The following CDH18 variants were observed in gnomAD, a reference collection of about 807,000 sequenced individuals.
CDH18 encodes cadherin 18.
CDH18 carries 31 observed loss-of-function variants against 67.9 expected under a neutral mutation model. That is an observed-to-expected ratio of 0.46 (90% confidence interval 0.34 to 0.62). CDH18 has a LOEUF of 0.62. Among genes scored for constraint, CDH18 ranks in the 20% least tolerant of loss-of-function variants. CDH18 has a pLI of 0.01. For missense variants in CDH18, 890 were observed against 975.5 expected (o/e 0.91, Z 1.17); for synonymous variants, 362 against 347.2 (o/e 1.04, Z -0.48).
intron 5 of CDH18, among the ~76,000 whole-genome samples, chr5:19,640,338 G>T (rs1358930888): frequency 6.6e-6 from 1 of 152,094 alleles, no homozygotes; most frequent in Non-Finnish European, 1.5e-5. Flanking sequence ...TTATATGTGG[G>T]TGAGGAGTAA....
At chr5:20,128,836 C>A (rs1749035881) in intron 2 of CDH18, among the ~76,000 whole-genome samples, 1 of 150,744 alleles carries the variant, frequency 6.6e-6, no homozygotes, top group African/African-American at 2.5e-5. Flanking sequence ...TAGGACACAG[C>A]AGTTTTTTTC....
chr5:20,201,246 G>A (rs1427697281), intron 2 of CDH18, among the ~76,000 whole-genome samples: 3 of 151,824 alleles, frequency 2.0e-5, no homozygotes, highest in Non-Finnish European at 2.9e-5. Flanking sequence ...CTGTGTGCCT[G>A]TATTCACATT....
intron 1 of CDH18, among the ~76,000 whole-genome samples, chr5:20,306,050 A>G (rs957877419): frequency 1.3e-5 from 2 of 152,214 alleles, no homozygotes; most frequent in African/African-American, 4.8e-5. Flanking sequence ...TCGTTTGCTG[A>G]GTAAAAGAGA....
At chr5:20,274,574 T>A (rs1745667656) in intron 1 of CDH18, among the ~76,000 whole-genome samples, 1 of 152,154 alleles carries the variant, frequency 6.6e-6, no homozygotes, top group Admixed American at 6.6e-5. Flanking sequence ...TCAATAATTA[T>A]CAAGTTATAA....
At chr5:19,998,414 A>G (rs1434079819) in intron 2 of CDH18, among the ~76,000 whole-genome samples, 2 of 152,306 alleles carry the variant, frequency 1.3e-5, no homozygotes, top group South Asian at 4.1e-4. Context: ...GAGCATTTGT[A>G]TCGTCAGGGA....
Position 20,241,587 on chromosome 5 carries a change from C to T in CDH18, c.-518+13857G>A, listed in dbSNP as rs549782002. Among the ~76,000 whole-genome samples the T allele has an allele frequency of 2.6e-5, 4 of 152,136 alleles. No individual in the cohort carries two copies. The South Asian group carries it at 8.3e-4, about 32-fold the overall frequency. On this transcript the variant is annotated intron_variant, in intron 2 of 14. Transcript: ENST00000507958. ...TAGAAATCGGCCGGGTGGGGTGGCT[C>T]ATGCCTGTAATTCCAGCACTTTGGG...
chr5:19,596,566 A>G (rs903895131), intron 6 of CDH18, among the ~76,000 whole-genome samples: 2 of 152,188 alleles, frequency 1.3e-5, no homozygotes, highest in Admixed American at 6.6e-5. Flanking sequence ...AGAGATAAAT[A>G]AATACATTAT....
intron 10 of CDH18, among the ~76,000 whole-genome samples, chr5:19,508,523 A>C (rs1744593563): frequency 6.6e-6 from 1 of 152,268 alleles, no homozygotes. Flanking sequence ...TTTTAAAGAT[A>C]TCAAATAAAT....
intron 1 of CDH18, among the ~76,000 whole-genome samples, chr5:20,329,016 A>C (rs1738902170): frequency 1.3e-5 from 2 of 152,198 alleles, no homozygotes. Flanking sequence ...TTTTGCGACT[A>C]TTAAAAATAA....
At chr5:20,133,137 G>C (rs1310330163) in intron 2 of CDH18, among the ~76,000 whole-genome samples, 1 of 152,076 alleles carries the variant, frequency 6.6e-6, no homozygotes, top group Non-Finnish European at 1.5e-5. Context: ...TTACTCATTT[G>C]TATTACTTAT....
chr5:20,256,417 T>G (rs1744237323), intron 1 of CDH18, among the ~76,000 whole-genome samples: 1 of 152,044 alleles, frequency 6.6e-6, no homozygotes, highest in South Asian at 2.1e-4. Context: ...TGATAAAAAT[T>G]ACACTTACAG....
chr5:19,866,369 A>G (rs905275517), intron 2 of CDH18, among the ~76,000 whole-genome samples: 4 of 151,544 alleles, frequency 2.6e-5, no homozygotes, highest in Admixed American at 2.6e-4. Context: ...TTCAGCCTCA[A>G]TGCAGAAGAA....
chr5:20,261,729 TAA>T (rs540501991), intron 1 of CDH18, among the ~76,000 whole-genome samples: 1 of 147,142 alleles, frequency 6.8e-6, no homozygotes, highest in Admixed American at 6.8e-5. Context: ...AGACTCCGTT[TAA>T]AAAAAAAAAA....
intron 3 of CDH18, among the ~76,000 whole-genome samples, chr5:19,763,992 T>TAAAAAAAAAA (rs1772717438): frequency 5.4e-5 from 1 of 18,496 alleles, no homozygotes; most frequent in Non-Finnish European, 1.1e-4. Flanking sequence ...CTACTAAAAA[T>TAAAAAAAAAA]ACAAAAAAAA....
intron 1 of CDH18, among the ~76,000 whole-genome samples, chr5:20,439,164 C>CCACAT (rs1749407968): frequency 2.5e-5 from 2 of 78,924 alleles, no homozygotes; most frequent in South Asian, 8.1e-4. Context: ...ATTTTTGGAT[C>CCACAT]AACATAATTC....
chr5:20,086,300 G>T (rs894454896), intron 2 of CDH18, among the ~76,000 whole-genome samples: 4 of 152,186 alleles, frequency 2.6e-5, no homozygotes, highest in Non-Finnish European at 4.4e-5. Flanking sequence ...ATTGGTTCAT[G>T]AAGTTTAAGA....
chr5:19,973,156 TAAA>T (rs1798187131), intron 2 of CDH18, among the ~76,000 whole-genome samples: 1 of 152,096 alleles, frequency 6.6e-6, no homozygotes, highest in Admixed American at 6.6e-5. Flanking sequence ...AAAGTAATGT[TAAA>T]AAGCCAATGG....
At chr5:20,306,733 G>A (rs1441920344) in intron 1 of CDH18, among the ~76,000 whole-genome samples, 2 of 152,114 alleles carry the variant, frequency 1.3e-5, no homozygotes, top group African/African-American at 2.4e-5. Context: ...TTAACAGTGA[G>A]GGTTAAAATC....
intron 9 of CDH18, among the ~76,000 whole-genome samples, chr5:19,541,014 T>A (rs1481574601): frequency 6.6e-6 from 1 of 152,170 alleles, no homozygotes; most frequent in Non-Finnish European, 1.5e-5. Context: ...TCCAAACTTT[T>A]ATGCTCTGCT....
Sources: gnomAD v4.1 joint callset for allele counts (sites outside exome capture counted in the v4.1 genomes callset) on GRCh38, gnomAD v4.1.1 for gene constraint, MANE v1.5 for transcripts, NCBI Gene and HGNC (gene_info 2026-07-23, HGNC 2026-07-21) for gene names.